Variants in NARS1 observed in about 807,000 individuals in gnomAD.
NARS1 encodes the protein asparaginyl-tRNA synthetase 1.
NARS1 carries 65 observed loss-of-function variants against 79.2 expected under a neutral mutation model. The observed-to-expected ratio is 0.82, with a 90% CI of 0.67 to 1.01. The LOEUF (loss-of-function observed/expected upper bound fraction) is 1.01, where lower values mean the gene tolerates loss of function less well. Ranked by LOEUF, NARS1 falls within the 50% of genes least tolerant of loss-of-function variation. The pLI is 0.00. For missense variants in NARS1, 649 were observed against 673.8 expected (o/e 0.96, Z 0.41); for synonymous variants, 229 against 238.8 (o/e 0.96, Z 0.38).
At position 57,615,944 on chromosome 18, in the gene NARS1, G is replaced by C. The variant is rs759878483; in HGVS notation, c.125C>G (p.Pro42Arg). ...TTTTTGTGAATCTACGTAAATGGTA[G>C]GAAATGGTTCTTTCCCTACTGTCAT... ...ALMTVGKEPF[P>R]TIYVDSQKEN... Residue 42 changes from proline (P) to arginine (R), a missense_variant, in exon 3 of 14, where the codon CCT (proline) becomes CGT (arginine). Pro to Arg is a moderately radical substitution (Grantham distance 103). Coordinates refer to ENST00000256854, the MANE Select transcript of NARS1 (RefSeq NM_004539.4). 1.2e-6 allele frequency: 2 copies of C among 1,612,070 alleles called. No individual in the cohort carries two copies. The highest frequency in any genetic ancestry group is 1.3e-5 in the African/African-American group (1 of 74,910).
At chr18:57,604,228 A>G (rs757865696) in intron 11 of NARS1, among the ~76,000 whole-genome samples, 4 of 152,242 alleles carry the variant, frequency 2.6e-5, no homozygotes, top group Non-Finnish European at 4.4e-5. Flanking sequence ...GCAAGTTCTC[A>G]ATACAAAATT....
chr18:57,607,014 A>G (rs182856905), intron 9 of NARS1, 120 bp downstream of exon 9: 1 of 1,138,786 alleles, frequency 8.8e-7, no homozygotes, highest in East Asian at 2.4e-5. Flanking sequence ...ATGTTCTTCC[A>G]TTAACCACTT....
chr18:57,621,827 G>A lies in NARS1; in HGVS notation c.-110C>T, dbSNP rs1056624698. The A allele has an allele frequency of 2.0e-5, 31 of 1,580,170 alleles. No individual in the cohort carries two copies. The highest frequency in any genetic ancestry group is 4.1e-5 in the African/African-American group (3 of 73,740). Reference sequence around the variant, plus strand: ...CGCGATTCCGGCGTTGCATCAGAGAGCGTAGATCTGAGGGCGCCTGCGAGA... The same window carrying A: ...CGCGATTCCGGCGTTGCATCAGAGAACGTAGATCTGAGGGCGCCTGCGAGA... On this transcript the variant is annotated 5_prime_UTR_variant, in exon 1 of 14. Transcript: ENST00000256854.
Position 57,609,263 on chromosome 18 carries a change from C to A in NARS1, c.579+94G>T. 3.0e-6 allele frequency: 3 copies of A among 1,013,400 alleles called. No homozygotes were observed. In the Admixed American group the frequency reaches 5.4e-5, roughly 18 times the overall value. The allele number at this position is 1,013,400 out of a possible 1,614,324, so 62.8% of individuals were successfully genotyped here. A position where few individuals can be genotyped will look rare whatever the true frequency, so the allele number is the denominator to read the frequency against. ...ACTAGTTCTGTCCCTCTGAAGAACC[C>A]TAATACATATGCCAAATGTACAAAC... On this transcript the variant is annotated intron_variant, in intron 7 of 13. Coordinates refer to ENST00000256854, the MANE Select transcript of NARS1 (RefSeq NM_004539.4).
Position 57,605,882 on chromosome 18 carries a change from T to C in NARS1, c.1226A>G (p.Asp409Gly), listed in dbSNP as rs1431192215. The C allele has an allele frequency of 6.2e-7, 1 of 1,609,432 alleles. No individual in the cohort carries two copies. The highest frequency in any genetic ancestry group is 1.7e-5 in the Admixed American group (1 of 59,906). Residue 409 changes from aspartate to glycine, a missense_variant, in exon 11 of 14, where the codon GAT (aspartate) becomes GGT (glycine). Physicochemically the swap from Asp to Gly is moderately conservative, Grantham distance 94 (BLOSUM62 -1). Transcript: ENST00000256854. Reference protein sequence around the residue: ...WLKEHDVKKEDGTFYEFGEDI... With the variant: ...WLKEHDVKKEGGTFYEFGEDI... ...TTCTCCAAATTCATAGAAAGTTCCA[T>C]CTTCTTTCTTTACATCATGTTCTTT... is the stretch of plus-strand genomic sequence containing the variant.
chr18:57,619,573 A>T (rs1312286640), intron 2 of NARS1, among the ~76,000 whole-genome samples: 1 of 152,024 alleles, frequency 6.6e-6, no homozygotes, highest in Non-Finnish European at 1.5e-5. Context: ...TGTGGCAGTT[A>T]TAGCCAATGG....
chr18:57,620,350 AAAG>A (rs1291324900), intron 2 of NARS1, among the ~76,000 whole-genome samples: 1 of 152,134 alleles, frequency 6.6e-6, no homozygotes, highest in East Asian at 1.9e-4. Flanking sequence ...ATGTGGTAAG[AAAG>A]AAGAGACCTT....
Position 57,605,881 on chromosome 18 carries a change from A to G in NARS1, c.1227T>C (p.Asp409=). Residue 409 remains aspartate, a synonymous_variant, in exon 11 of 14, where the codon GAT becomes GAC. Coordinates refer to ENST00000256854, the MANE Select transcript of NARS1 (RefSeq NM_004539.4). ...WLKEHDVKKE[D]GTFYEFGEDI... ...CTTCTCCAAATTCATAGAAAGTTCCATCTTCTTTCTTTACATCATGTTCTT... is the reference window on the plus strand; with the variant it reads ...CTTCTCCAAATTCATAGAAAGTTCCGTCTTCTTTCTTTACATCATGTTCTT... 1 of 1,609,166 alleles carries G rather than the reference A, an allele frequency of 6.2e-7. No homozygotes were observed. The highest frequency in any genetic ancestry group is 8.5e-7 in the Non-Finnish European group (1 of 1,176,190).
intron 2 of NARS1, among the ~76,000 whole-genome samples, chr18:57,617,115 T>A (rs1182395936): frequency 6.6e-6 from 1 of 152,186 alleles, no homozygotes; most frequent in Non-Finnish European, 1.5e-5. Flanking sequence ...TAAAAAATAG[T>A]TCAAAGTACA....
intron 2 of NARS1, among the ~76,000 whole-genome samples, chr18:57,619,574 T>C (rs997632308): frequency 1.5e-4 from 23 of 152,212 alleles, no homozygotes; most frequent in African/African-American, 4.8e-4. Flanking sequence ...GTGGCAGTTA[T>C]AGCCAATGGA....
chr18:57,602,305 G>C (rs1033814080), intron 13 of NARS1, 50 bp downstream of exon 13: 2 of 1,575,236 alleles, frequency 1.3e-6, no homozygotes, highest in Admixed American at 1.8e-5. Context: ...AATATATACA[G>C]AACGATTACA....
chr18:57,605,999 T>C (rs2051553184), intron 10 of NARS1, 29 bp from the exon 11 acceptor site: 1 of 1,321,964 alleles, frequency 7.6e-7, no homozygotes, highest in Middle Eastern at 2.3e-4. Flanking sequence ...ATATAATGTG[T>C]ATATATACAT....
At chr18:57,617,234 T>C (rs1302166259) in intron 2 of NARS1, among the ~76,000 whole-genome samples, 1 of 152,130 alleles carries the variant, frequency 6.6e-6, no homozygotes, top group Non-Finnish European at 1.5e-5. Flanking sequence ...ATCTGCAGCC[T>C]GCAAAAACGG....
At position 57,613,520 on chromosome 18, in the gene NARS1, C is replaced by G. The variant is rs1056183778; in HGVS notation, c.421+82G>C. Reference sequence around the variant, plus strand: ...AAAAAAAGGGGGAGAGAAAAAAACCCCTGCAAATCTTTGTATGTTTTTCTT... The same window carrying G: ...AAAAAAAGGGGGAGAGAAAAAAACCGCTGCAAATCTTTGTATGTTTTTCTT... On this transcript the variant is annotated intron_variant, in intron 5 of 13. Coordinates refer to ENST00000256854, the MANE Select transcript of NARS1 (RefSeq NM_004539.4). 7.2e-6 allele frequency: 9 copies of G among 1,257,068 alleles called. No individual in the cohort carries two copies. In the East Asian group the frequency reaches 2.1e-4, roughly 29 times the overall value. The allele number at this position is 1,257,068 out of a possible 1,614,324, so 77.9% of individuals were successfully genotyped here. A position where few individuals can be genotyped will look rare whatever the true frequency, so the allele number is the denominator to read the frequency against.
At chr18:57,604,744 C>T (rs1297201330) in intron 11 of NARS1, among the ~76,000 whole-genome samples, 1 of 152,118 alleles carries the variant, frequency 6.6e-6, no homozygotes, top group East Asian at 1.9e-4. Flanking sequence ...AAAAAATTAG[C>T]TGGGCATGGT....
intron 2 of NARS1, among the ~76,000 whole-genome samples, chr18:57,616,337 G>A (rs980782202): frequency 1.3e-5 from 2 of 151,624 alleles, no homozygotes; most frequent in Non-Finnish European, 2.9e-5. Flanking sequence ...GGAGAATGGC[G>A]TGAACCTGGG....
intron 2 of NARS1, among the ~76,000 whole-genome samples, chr18:57,616,721 G>A (rs531682164): frequency 2.0e-5 from 3 of 152,088 alleles, no homozygotes; most frequent in African/African-American, 7.2e-5. Flanking sequence ...CACAAAAAGC[G>A]GCCGGGTGCA....
chr18:57,613,828 A>T (rs1313396332), intron 4 of NARS1, 148 bp from the exon 5 acceptor site: 1 of 632,442 alleles, frequency 1.6e-6, no homozygotes, highest in East Asian at 2.8e-5. Context: ...CTCAGAACCA[A>T]ACGCATTTCA....
At position 57,601,819 on chromosome 18, in the gene NARS1, T is replaced by C. The variant is rs767816152; in HGVS notation, c.1516-36A>G. 13 of 1,601,248 alleles carry C rather than the reference T, an allele frequency of 8.1e-6. No individual in the cohort carries two copies. In the East Asian group the frequency reaches 2.9e-4, roughly 36 times the overall value. Reference sequence around the variant, plus strand: ...AAAGAAAGAAAGAAAGAGGAGTAAATACTTAAGTTAAAACTTTCATCTAAG... The same window carrying C: ...AAAGAAAGAAAGAAAGAGGAGTAAACACTTAAGTTAAAACTTTCATCTAAG... On this transcript the variant is annotated intron_variant, in intron 13 of 13. Coordinates refer to ENST00000256854, the MANE Select transcript of NARS1 (RefSeq NM_004539.4).
Sources: allele counts gnomAD v4.1 joint callset (sites outside exome capture counted in the v4.1 genomes callset), GRCh38; gene constraint gnomAD v4.1.1; transcripts MANE v1.5; gene names NCBI Gene and HGNC (gene_info 2026-07-23, HGNC 2026-07-21).